The following RGS6 variants were observed in gnomAD, a reference collection of about 807,000 sequenced individuals.
RGS6 encodes the protein regulator of G-protein signaling 6.
In RGS6, 30 loss-of-function variants were observed where a neutral mutation model predicts 78.5. That is an observed-to-expected ratio of 0.38 (90% CI 0.29 to 0.52). RGS6 has a LOEUF of 0.52. RGS6 is among the 20% of genes least tolerant of loss of function. The pLI, the probability that RGS6 is intolerant of heterozygous loss-of-function variation, is 0.85. For synonymous variants in RGS6, 206 were observed against 206.0 expected (o/e 1.00, Z 0.00); for missense variants, 495 against 609.7 (o/e 0.81, Z 1.98).
upstream of RGS6, among the ~76,000 whole-genome samples, chr14:71,928,729 C>T (rs959852648): frequency 6.6e-6 from 1 of 152,178 alleles, no homozygotes; most frequent in East Asian, 1.9e-4. Flanking sequence ...TATTATTTCA[C>T]TTGATACTTT....
intron 17 of RGS6, among the ~76,000 whole-genome samples, chr14:72,555,709 C>T (rs987515933): frequency 5.3e-5 from 8 of 152,242 alleles, no homozygotes; most frequent in African/African-American, 1.9e-4. Flanking sequence ...GTTACTCAAA[C>T]TCCGTTTGAG....
At chr14:72,478,609 C>T (rs959038617) in intron 12 of RGS6, among the ~76,000 whole-genome samples, 1 of 152,226 alleles carries the variant, frequency 6.6e-6, no homozygotes, top group Non-Finnish European at 1.5e-5. Flanking sequence ...ACATAATGCA[C>T]CTTTGCCTTC....
intron 2 of RGS6, among the ~76,000 whole-genome samples, chr14:72,277,930 TAATAA>T (rs1053007020): frequency 1.5e-4 from 23 of 152,164 alleles, no homozygotes; most frequent in East Asian, 3.9e-4. Flanking sequence ...TGTCTCAAAA[TAATAA>T]AATAAAATAA....
At chr14:72,506,256 G>A (rs28667215) in intron 13 of RGS6, among the ~76,000 whole-genome samples, 2,069 of 152,226 alleles carry the variant, frequency 0.014, 43 homozygotes, top group African/African-American at 0.047. Context: ...AAAGACAATG[G>A]CATAAACTCT....
the RGS6 span, among the ~76,000 whole-genome samples, chr14:71,875,074 T>A: frequency 2.6e-5 from 4 of 152,216 alleles, no homozygotes; most frequent in African/African-American, 9.6e-5. Flanking sequence ...TTTGCATCGA[T>A]GTTCATCAGG....
chr14:72,539,991 ATTT>A, intron 16 of RGS6, 47 bp from the exon 17 acceptor site: 1 of 1,314,174 alleles, frequency 7.6e-7, no homozygotes, highest in South Asian at 1.5e-5. Context: ...TAAGCTGAAG[ATTT>A]TTTTTTTCTG....
Position 72,073,506 on chromosome 14 carries a change from T to A in RGS6, c.84+108631T>A, listed in dbSNP as rs114546126. Reference sequence around the variant, plus strand: ...CAGAATAGTGGGTGGTCCGAGCCTGTCCTGGCAGCTCAGGGTGCAAGGTGG... The same window carrying A: ...CAGAATAGTGGGTGGTCCGAGCCTGACCTGGCAGCTCAGGGTGCAAGGTGG... On this transcript the variant is annotated intron_variant, in intron 2 of 17. Transcript: ENST00000553525. Among the ~76,000 whole-genome samples the A allele has an allele frequency of 2.6e-3, 403 of 152,322 alleles. 2 individuals carry two copies. Among genetic ancestry groups the A allele is most frequent in the African/African-American group, 9.3e-3 (386 of 41,584 alleles).
intron 2 of RGS6, among the ~76,000 whole-genome samples, chr14:72,072,810 C>T: frequency 6.6e-6 from 1 of 152,290 alleles, no homozygotes; most frequent in East Asian, 1.9e-4. Context: ...TATTAAGCAG[C>T]ATCACATTAA....
chr14:72,361,692 G>A (rs1447486157), intron 3 of RGS6, among the ~76,000 whole-genome samples: 3 of 152,266 alleles, frequency 2.0e-5, no homozygotes, highest in Middle Eastern at 3.4e-3. Flanking sequence ...TCACTACTGG[G>A]GGAGTGTTAG....
intron 2 of RGS6, among the ~76,000 whole-genome samples, chr14:72,114,660 C>G (rs764365061): frequency 1.3e-5 from 2 of 152,108 alleles, no homozygotes; most frequent in Non-Finnish European, 2.9e-5. Context: ...ATGTGGAGTT[C>G]ATAAATACAA....
chr14:72,627,665 G>A, the RGS6 span, among the ~76,000 whole-genome samples: 1 of 151,864 alleles, frequency 6.6e-6, no homozygotes, highest in Non-Finnish European at 1.5e-5. Flanking sequence ...CTTAAGTATC[G>A]ATTTGTCTAA....
At chr14:72,327,429 T>C (rs2074049828) in intron 2 of RGS6, among the ~76,000 whole-genome samples, 1 of 152,372 alleles carries the variant, frequency 6.6e-6, no homozygotes, top group Middle Eastern at 3.4e-3. Flanking sequence ...TAAAGTAAGC[T>C]GCATCTAACT....
chr14:71,917,005 T>C, the RGS6 span, among the ~76,000 whole-genome samples: 1 of 151,888 alleles, frequency 6.6e-6, no homozygotes, highest in Non-Finnish European at 1.5e-5. Context: ...TGAAAATAGG[T>C]GGTGAGCAAG....
intron 2 of RGS6, among the ~76,000 whole-genome samples, chr14:72,019,739 A>C (rs755436691): frequency 4.6e-5 from 7 of 152,178 alleles, no homozygotes; most frequent in Admixed American, 3.9e-4. Context: ...GTCAGTGGTC[A>C]TTCTGTTTTT....
downstream of RGS6, among the ~76,000 whole-genome samples, chr14:72,567,459 C>A (rs981591278): frequency 6.6e-6 from 1 of 152,216 alleles, no homozygotes; most frequent in Non-Finnish European, 1.5e-5. Flanking sequence ...TGCACTCTAC[C>A]CTGACCGCCA....
chr14:72,104,867 C>T (rs1214969636), intron 2 of RGS6, among the ~76,000 whole-genome samples: 2 of 152,194 alleles, frequency 1.3e-5, no homozygotes, highest in South Asian at 2.1e-4. Flanking sequence ...TTTAAATAAG[C>T]TCTCAGGTTA....
intron 2 of RGS6, among the ~76,000 whole-genome samples, chr14:72,287,218 G>A (rs994141139): frequency 6.6e-6 from 1 of 152,158 alleles, no homozygotes; most frequent in Non-Finnish European, 1.5e-5. Context: ...TTTGTGTTGA[G>A]TCTTTAGGGT....
At chr14:72,618,057 C>CA in the RGS6 span, among the ~76,000 whole-genome samples, 1 of 111,470 alleles carries the variant, frequency 9.0e-6, no homozygotes, top group Admixed American at 8.9e-5. Context: ...CTTCTAGACA[C>CA]ATTTTTTTTT....
chr14:72,102,392 T>C (rs2153527915), intron 2 of RGS6, among the ~76,000 whole-genome samples: 1 of 152,214 alleles, frequency 6.6e-6, no homozygotes, highest in East Asian at 1.9e-4. Context: ...GAAATGAAAA[T>C]AAAAACTTAA....
Sources: allele counts gnomAD v4.1 joint callset (sites outside exome capture counted in the v4.1 genomes callset), GRCh38; gene constraint gnomAD v4.1.1; transcripts MANE v1.5; gene names NCBI Gene and HGNC (gene_info 2026-07-23, HGNC 2026-07-21).